The following DMXL1 variants were observed in gnomAD, a reference collection of about 807,000 sequenced individuals.
The protein encoded by DMXL1 is Dmx like 1, also known as dmX-like protein 1.
DMXL1 carries 99 observed loss-of-function variants against 319.2 expected under a neutral mutation model. That is an observed-to-expected ratio of 0.31 (90% CI 0.26 to 0.37). The LOEUF is 0.37. DMXL1 is among the 10% of genes least tolerant of loss of function. The probability of loss-of-function intolerance (pLI) is 1.00; values close to 1 mark genes in which losing one functional copy is unlikely to be tolerated. For missense variants in DMXL1, 3,745 were observed against 3,595.6 expected (o/e 1.04, Z -1.06); for synonymous variants, 1,385 against 1,235.2 (o/e 1.12, Z -2.54).
intron 21 of DMXL1, among the ~76,000 whole-genome samples, chr5:119,165,923 A>G (rs1018638108): frequency 6.6e-6 from 1 of 152,202 alleles, no homozygotes; most frequent in Non-Finnish European, 1.5e-5. Flanking sequence ...TAAACCAGAA[A>G]CTTATGCTTG....
rs756182792 is a variant in DMXL1, at chr5:119,146,941, A to G, written c.2674A>G (p.Ile892Val). 19 of 1,612,484 alleles carry G rather than the reference A, an allele frequency of 1.2e-5. No homozygotes were observed. The highest frequency in any genetic ancestry group is 3.3e-5 in the South Asian group (3 of 90,954). ...CATGTGGAATTTACATCTAAAGTCA[A>G]TTCCTGTCTCATTAGGTGAGTCTTT... ...LHMWNLHLKS[I>V]PVSLDEKVDT... The change falls in exon 16 of 44, where the codon ATT becomes GTT. Residue 892 changes from isoleucine (I) to valine (V), a missense_variant. Ile to Val is a conservative substitution (Grantham distance 29, BLOSUM62 3). Around this residue, in one of 4 missense-constraint regions of DMXL1, gnomAD observed 2,096 missense variants for 1,985.4 expected, o/e 1.06. Transcript: ENST00000539542.
chr5:119,170,962 C>T lies in DMXL1; in HGVS notation c.6171C>T (p.Tyr2057=), dbSNP rs772492318. 1 of 1,613,756 alleles carries T rather than the reference C, an allele frequency of 6.2e-7. No individual in the cohort carries two copies. Among genetic ancestry groups the T allele is most frequent in the South Asian group, 1.1e-5 (1 of 91,048 alleles). ...AAATAGATGGTGGAAAATTGCGTTA[C>T]CAACTATACCACTGGCTTGAAAAAG... The part of the protein sequence containing the change: ...GYEIDGGKLR[Y]QLYHWLEKEV... Residue 2057 remains tyrosine, a synonymous_variant, in exon 24 of 44, where the codon TAC becomes TAT. Coordinates refer to ENST00000539542, the MANE Select transcript of DMXL1 (RefSeq NM_001290321.3).
chr5:119,114,204 C>T (rs565124789), intron 5 of DMXL1, among the ~76,000 whole-genome samples: 217 of 152,320 alleles, frequency 1.4e-3, no homozygotes, highest in Non-Finnish European at 2.8e-3. Context: ...AAACCATTCT[C>T]TCTCATTCTA....
chr5:119,156,520 TAACTA>T lies in DMXL1; in HGVS notation c.4702+4490_4702+4494del, dbSNP rs552738965. On this transcript the variant is annotated intron_variant, in intron 19 of 43. Coordinates refer to ENST00000539542, the MANE Select transcript of DMXL1 (RefSeq NM_001290321.3). ...TTGATGGATACTTAGGTTGAATTGA[TAACTA>T]AACTATTGTGAAGAAAACTTCACTT... 1.2e-3 allele frequency among the ~76,000 whole-genome samples: 188 copies of T among 152,350 alleles called. 1 individual carries two copies. Among genetic ancestry groups the T allele is most frequent in the African/African-American group, 4.4e-3 (182 of 41,590 alleles).
intron 42 of DMXL1, among the ~76,000 whole-genome samples, chr5:119,243,156 A>T (rs190846743): frequency 6.6e-6 from 1 of 152,358 alleles, no homozygotes; most frequent in Non-Finnish European, 1.5e-5. Flanking sequence ...GTCAGTGCTC[A>T]TCAAGGTATA....
intron 28 of DMXL1, among the ~76,000 whole-genome samples, chr5:119,186,116 A>G (rs1055557255): frequency 2.0e-5 from 3 of 152,174 alleles, no homozygotes; most frequent in African/African-American, 4.8e-5. Flanking sequence ...TATCTTTTCC[A>G]TATTTGGGGG....
In DMXL1 at chr5:119,149,022, A is replaced by G. The variant is rs1401564129; in HGVS notation, c.3195A>G (p.Ala1065=). The change falls in exon 18 of 44, where the codon GCA becomes GCG. Residue 1065 remains alanine (A), a synonymous_variant. Coordinates refer to ENST00000539542, the MANE Select transcript of DMXL1 (RefSeq NM_001290321.3). ...NRLAVAYKQP[A]SNSRSSQDFV... ...TAGCAGTAGCTTATAAGCAGCCTGC[A>G]TCTAATAGTAGATCTTCCCAGGACT... 4 of 1,613,822 alleles carry G rather than the reference A, an allele frequency of 2.5e-6. No individual in the cohort carries two copies. In the African/African-American group the frequency reaches 4.0e-5, roughly 16 times the overall value.
At chr5:119,089,487 T>A (rs552920280) in intron 1 of DMXL1, among the ~76,000 whole-genome samples, 2 of 149,980 alleles carry the variant, frequency 1.3e-5, no homozygotes, top group Admixed American at 1.3e-4. Flanking sequence ...TGTATTTTTT[T>A]AGTAGAGATG....
At position 119,244,591 on chromosome 5, in the gene DMXL1, T is replaced by C. The variant is rs1581526031; in HGVS notation, c.8922+15T>C. 4 of 1,585,322 alleles carry C rather than the reference T, an allele frequency of 2.5e-6. No individual in the cohort carries two copies. The highest frequency in any genetic ancestry group is 2.2e-5 in the East Asian group (1 of 44,650). On this transcript the variant is annotated intron_variant, in intron 43 of 43. Coordinates refer to ENST00000539542, the MANE Select transcript of DMXL1 (RefSeq NM_001290321.3). ...GCAATATAAAGGTAAACACAGTTGA[T>C]GCCACAACATCTACAAAATGAAATC... is the stretch of plus-strand genomic sequence containing the variant.
intron 18 of DMXL1, among the ~76,000 whole-genome samples, chr5:119,150,632 AC>A (rs1769566359): frequency 6.6e-6 from 1 of 151,842 alleles, no homozygotes; most frequent in Non-Finnish European, 1.5e-5. Context: ...CTCTATGAAA[AC>A]AAAAAAAAAT....
intron 28 of DMXL1, among the ~76,000 whole-genome samples, chr5:119,189,359 T>C (rs1187391210): frequency 1.3e-5 from 2 of 152,146 alleles, no homozygotes; most frequent in Non-Finnish European, 2.9e-5. Flanking sequence ...CCCATGATAA[T>C]CTTTAAAAAA....
intron 25 of DMXL1, among the ~76,000 whole-genome samples, chr5:119,173,195 C>T (rs1190274394): frequency 6.6e-6 from 1 of 151,896 alleles, no homozygotes; most frequent in Non-Finnish European, 1.5e-5. Context: ...AAAAAATTAG[C>T]CAGGCGTAGT....
chr5:119,169,493 A>T (rs1774127781), intron 23 of DMXL1, among the ~76,000 whole-genome samples: 1 of 152,154 alleles, frequency 6.6e-6, no homozygotes, highest in Non-Finnish European at 1.5e-5. Flanking sequence ...ATTGTTTTAG[A>T]TCATGGAGCT....
At position 119,150,264 on chromosome 5, in the gene DMXL1, T is replaced by G. The variant is rs1769474533; in HGVS notation, c.4437T>G (p.Thr1479=). 1 of 1,613,718 alleles carries G rather than the reference T, an allele frequency of 6.2e-7. No individual in the cohort carries two copies. The highest frequency in any genetic ancestry group is 8.5e-7 in the Non-Finnish European group (1 of 1,179,838). The change falls in exon 18 of 44, where the codon ACT becomes ACG. Residue 1479 remains threonine (T), a synonymous_variant. Coordinates refer to ENST00000539542, the MANE Select transcript of DMXL1 (RefSeq NM_001290321.3). Reference sequence around the variant, plus strand: ...TTGACCTTTCACAGTACAGTCCGACTTACTTTGGACCTGAGCATGCTCAGG... The same window carrying G: ...TTGACCTTTCACAGTACAGTCCGACGTACTTTGGACCTGAGCATGCTCAGG... ...RVIDLSQYSP[T]YFGPEHAQVL...
In DMXL1 at chr5:119,154,495, A is replaced by G. The variant is rs561987170; in HGVS notation, c.4702+2459A>G. 359 of 154,382 alleles carry G rather than the reference A, an allele frequency of 2.3e-3. 2 individuals carry two copies. The highest frequency in any genetic ancestry group is 7.9e-3 in the African/African-American group (329 of 41,676). The allele number at this position is 154,382 out of a possible 1,614,324, so 9.6% of individuals were successfully genotyped here. ...ATTCTCTTATGCCAAAGCCTAATCC[A>G]GAACAAGGCTGTAACTCGTCTTAAT... On this transcript the variant is annotated intron_variant, in intron 19 of 43. Coordinates refer to ENST00000539542, the MANE Select transcript of DMXL1 (RefSeq NM_001290321.3).
intron 5 of DMXL1, among the ~76,000 whole-genome samples, chr5:119,111,417 T>C (rs1759566792): frequency 2.0e-5 from 3 of 152,212 alleles, no homozygotes; most frequent in Admixed American, 2.0e-4. Context: ...TGTTTTTATA[T>C]ATTAGGTTAA....
chr5:119,100,151 A>G (rs532671928), intron 2 of DMXL1, among the ~76,000 whole-genome samples: 1 of 152,168 alleles, frequency 6.6e-6, no homozygotes, highest in Non-Finnish European at 1.5e-5. Flanking sequence ...GTACCTGGGG[A>G]CTTCTGACTG....
chr5:119,116,790 C>T (rs944440063), intron 7 of DMXL1, among the ~76,000 whole-genome samples: 1 of 151,942 alleles, frequency 6.6e-6, no homozygotes, highest in African/African-American at 2.4e-5. Context: ...TTGACTACAC[C>T]CAGCATATGT....
intron 38 of DMXL1, among the ~76,000 whole-genome samples, chr5:119,228,921 A>G (rs962191768): frequency 1.3e-5 from 2 of 152,130 alleles, no homozygotes; most frequent in African/African-American, 2.4e-5. Context: ...ATATTTTAAT[A>G]TTGAAATATA....
Sources: gnomAD v4.1 joint callset for allele counts (sites outside exome capture counted in the v4.1 genomes callset) on GRCh38, gnomAD v4.1.1 for gene constraint, gnomAD v4.1.1 regional missense constraint, MANE v1.5 for transcripts, NCBI Gene and HGNC (gene_info 2026-07-23, HGNC 2026-07-21) for gene names.